NRXN1: variants seen among roughly 807,000 people sequenced by gnomAD.
NRXN1 encodes neurexin 1, also known as neurexin-1.
Under a neutral mutation model 150.9 loss-of-function variants are expected in NRXN1, and 39 were observed. The ratio of observed to expected loss-of-function variants is 0.26; its 90% CI spans 0.20 to 0.34. The LOEUF is 0.34. NRXN1 is among the 10% of genes least tolerant of loss of function. The probability of loss-of-function intolerance (pLI) is 1.00; values close to 1 mark genes in which losing one functional copy is unlikely to be tolerated. For synonymous variants in NRXN1, 924 were observed against 757.0 expected (o/e 1.22, Z -3.62); for missense variants, 1,815 against 1,949.9 (o/e 0.93, Z 1.30).
intron 18 of NRXN1, among the ~76,000 whole-genome samples, chr2:50,170,141 TCA>T (rs71404935): frequency 0.014 from 2,124 of 148,076 alleles, 50 homozygotes; most frequent in African/African-American, 0.043. Context: ...ATAGATAATA[TCA>T]CACACACACA....
intron 5 of NRXN1, among the ~76,000 whole-genome samples, chr2:50,799,572 G>C (rs992663224): frequency 6.6e-6 from 1 of 152,180 alleles, no homozygotes; most frequent in Non-Finnish European, 1.5e-5. Flanking sequence ...ACTAGAAACC[G>C]TACGTCGAGT....
At chr2:50,948,949 T>C (rs1248483435) in intron 2 of NRXN1, among the ~76,000 whole-genome samples, 1 of 152,034 alleles carries the variant, frequency 6.6e-6, no homozygotes, top group East Asian at 1.9e-4. Flanking sequence ...CAATTTTGGA[T>C]CTGGTGGAAT....
Position 50,866,146 on chromosome 2 carries a change from T to A in NRXN1, c.832+55723A>T, listed in dbSNP as rs73930214. 4.9e-3 allele frequency among the ~76,000 whole-genome samples: 750 copies of A among 151,964 alleles called. 14 individuals are homozygous for A. The highest frequency in any genetic ancestry group is 0.017 in the African/African-American group (709 of 41,516). Reference sequence around the variant, plus strand: ...TCAAATTTAATATGTAAATGAAATATCCAAGAATATAAAGATTTCTACTGT... The same window carrying A: ...TCAAATTTAATATGTAAATGAAATAACCAAGAATATAAAGATTTCTACTGT... On this transcript the variant is annotated intron_variant, in intron 5 of 22. Coordinates refer to ENST00000401669, the MANE Select transcript of NRXN1 (RefSeq NM_001330078.2).
At chr2:50,768,467 A>AT (rs111995079) in intron 5 of NRXN1, among the ~76,000 whole-genome samples, 1,448 of 144,302 alleles carry the variant, frequency 0.01, 11 homozygotes, top group Non-Finnish European at 0.011. Flanking sequence ...CACCCTGATG[A>AT]TTTTTTTTTT....
intron 18 of NRXN1, among the ~76,000 whole-genome samples, chr2:50,118,864 C>T (rs1455636247): frequency 6.6e-6 from 1 of 152,104 alleles, no homozygotes. Flanking sequence ...CATTTTAATT[C>T]ACCAGCAGGA....
At chr2:50,084,239 G>A (rs775260685) in intron 19 of NRXN1, among the ~76,000 whole-genome samples, 3 of 152,208 alleles carry the variant, frequency 2.0e-5, no homozygotes, top group South Asian at 2.1e-4. Flanking sequence ...ATGCCCTTGC[G>A]CGGTGGATGA....
chr2:50,735,595 T>G (rs1698637254), intron 5 of NRXN1, among the ~76,000 whole-genome samples: 1 of 152,182 alleles, frequency 6.6e-6, no homozygotes, highest in African/African-American at 2.4e-5. Flanking sequence ...AAACTATTGT[T>G]TGTCTTTTCT....
intron 12 of NRXN1, among the ~76,000 whole-genome samples, chr2:50,519,336 G>A (rs7566514): frequency 0.83 from 125,571 of 151,854 alleles, 52,096 homozygotes; most frequent in Non-Finnish European, 0.86. Flanking sequence ...TTTAGTCAGT[G>A]GCTTGAATTC....
At chr2:50,626,066 G>T (rs1472901144) in intron 5 of NRXN1, among the ~76,000 whole-genome samples, 9 of 151,918 alleles carry the variant, frequency 5.9e-5, no homozygotes, top group African/African-American at 2.2e-4. Flanking sequence ...ACATTGTAAA[G>T]ATTATAAATG....
chr2:50,335,890 G>GTT (rs5831112), intron 17 of NRXN1, among the ~76,000 whole-genome samples: 7 of 145,386 alleles, frequency 4.8e-5, no homozygotes, highest in Admixed American at 1.4e-4. Context: ...AGTCCTTTCT[G>GTT]TTTTTTTTTT....
intron 21 of NRXN1, among the ~76,000 whole-genome samples, chr2:50,013,494 T>C (rs1052219262): frequency 6.6e-6 from 1 of 152,112 alleles, no homozygotes; most frequent in Non-Finnish European, 1.5e-5. Context: ...CGTGGTTTAT[T>C]ATGCTTTAGC....
intron 5 of NRXN1, among the ~76,000 whole-genome samples, chr2:50,847,039 C>T (rs1673757291): frequency 6.6e-6 from 1 of 152,034 alleles, no homozygotes; most frequent in East Asian, 1.9e-4. Flanking sequence ...TCAGATTCTT[C>T]TCTGTAACCT....
chr2:50,243,326 T>A (rs2066202002), intron 17 of NRXN1, among the ~76,000 whole-genome samples: 1 of 151,578 alleles, frequency 6.6e-6, no homozygotes, highest in African/African-American at 2.4e-5. Context: ...ATAAATAAAT[T>A]TGAAAAAAGA....
chr2:50,462,125 T>C (rs575405784), intron 17 of NRXN1, among the ~76,000 whole-genome samples: 14 of 152,028 alleles, frequency 9.2e-5, no homozygotes, highest in Non-Finnish European at 1.9e-4. Context: ...TGCATGTGTC[T>C]AGCACGCTTT....
chr2:50,665,199 TA>T (rs1687849617), intron 5 of NRXN1, among the ~76,000 whole-genome samples: 1 of 151,958 alleles, frequency 6.6e-6, no homozygotes, highest in African/African-American at 2.4e-5. Context: ...GTACTAGATT[TA>T]ATAGATCTAC....
intron 13 of NRXN1, among the ~76,000 whole-genome samples, chr2:50,502,389 A>C (rs2091992527): frequency 6.6e-6 from 1 of 152,116 alleles, no homozygotes; most frequent in Admixed American, 6.5e-5. Context: ...AGGCAGAACT[A>C]CTATAACTGC....
At chr2:51,015,380 T>C (rs529352667) in intron 2 of NRXN1, among the ~76,000 whole-genome samples, 23 of 152,184 alleles carry the variant, frequency 1.5e-4, no homozygotes, top group Non-Finnish European at 2.5e-4. Context: ...AATTGTGTAT[T>C]TGGCTCCAGT....
At chr2:50,095,054 G>A (rs754116024) in intron 18 of NRXN1, among the ~76,000 whole-genome samples, 2 of 152,176 alleles carry the variant, frequency 1.3e-5, no homozygotes, top group African/African-American at 4.8e-5. Context: ...GGAGGAATAA[G>A]AGAGGGAGAG....
Position 50,347,592 on chromosome 2 carries a change from C to T in NRXN1, c.3365-110622G>A, listed in dbSNP as rs1575173034. The T allele has an allele frequency of 3.0e-6, 3 of 1,010,326 alleles. No homozygotes were observed. Among genetic ancestry groups the T allele is most frequent in the East Asian group, 2.2e-4 (2 of 8,990 alleles). The allele number at this position is 1,010,326 out of a possible 1,614,324, so 62.6% of individuals were successfully genotyped here. Reference sequence around the variant, plus strand: ...CATCGCCTGCTCCCGAGGCAATCTCCGCGTCCGCCGCCTCCTGACACTTAC... The same window carrying T: ...CATCGCCTGCTCCCGAGGCAATCTCTGCGTCCGCCGCCTCCTGACACTTAC... On this transcript the variant is annotated intron_variant, in intron 17 of 22. Transcript: ENST00000401669. The surrounding 1 kb of genome is among the most constrained non-coding windows in gnomAD (Gnocchi z 4.9).
Sources: allele counts gnomAD v4.1 joint callset (sites outside exome capture counted in the v4.1 genomes callset), GRCh38; gene constraint gnomAD v4.1.1; non-coding constraint Gnocchi (gnomAD v3.1); transcripts MANE v1.5; gene names NCBI Gene and HGNC (gene_info 2026-07-23, HGNC 2026-07-21).